Variants in NR5A2 observed in about 807,000 individuals in gnomAD.
NR5A2 encodes CYP7A promoter-binding factor.
A neutral mutation model predicts 62.7 loss-of-function variants in NR5A2; 26 were observed. The observed-to-expected ratio is 0.41, with a 90% confidence interval of 0.30 to 0.58. NR5A2 has a LOEUF of 0.58. Among genes scored for constraint, NR5A2 ranks in the 20% least tolerant of loss-of-function variants. NR5A2 has a pLI of 0.22. For missense variants in NR5A2, 541 were observed against 669.1 expected, an observed-to-expected ratio of 0.81 and a Z score of 2.11; for synonymous variants, 246 against 241.7, an observed-to-expected ratio of 1.02 and a Z score of -0.16.
chr1:200,056,632 C>T (rs955847106), intron 5 of NR5A2, among the ~76,000 whole-genome samples: 15 of 152,140 alleles, frequency 9.9e-5, no homozygotes, highest in African/African-American at 3.6e-4. Flanking sequence ...CTCCCTGAAA[C>T]TTATGGTTTC....
chr1:200,119,731 A>G (rs1340174086), intron 6 of NR5A2, among the ~76,000 whole-genome samples: 1 of 152,036 alleles, frequency 6.6e-6, no homozygotes, highest in Non-Finnish European at 1.5e-5. Context: ...GGTTCAAGCA[A>G]TTCTCCTGCC....
Position 200,039,875 on chromosome 1 carries a change from C to A in NR5A2, c.202+80C>A. The A allele has an allele frequency of 2.1e-6, 3 of 1,461,788 alleles. No individual in the cohort carries two copies. Among genetic ancestry groups the A allele is most frequent in the Non-Finnish European group, 2.7e-6 (3 of 1,113,678 alleles). 90.6% of individuals were successfully genotyped at this position (1,461,788 alleles called of 1,614,324 possible). On this transcript the variant is annotated intron_variant, in intron 2 of 7. Transcript: ENST00000367362. The surrounding 1 kb of genome is among the most constrained non-coding windows in gnomAD (Gnocchi z 5.1). ...CGCCCTGCAGGCTTCAGCCTCCCGC[C>A]CCGCGCGGGCGCGGGAGTAGCCCCG...
chr1:200,056,300 T>A (rs1435505257), intron 5 of NR5A2, among the ~76,000 whole-genome samples: 3 of 152,250 alleles, frequency 2.0e-5, no homozygotes, highest in African/African-American at 7.2e-5. Flanking sequence ...CATGCCCACT[T>A]ACTGTGGGGA....
intron 7 of NR5A2, among the ~76,000 whole-genome samples, chr1:200,155,509 T>C (rs1479509743): frequency 6.6e-6 from 1 of 152,190 alleles, no homozygotes; most frequent in Non-Finnish European, 1.5e-5. Context: ...AAGCCTCATG[T>C]AGAAGTGAGA....
rs1016519365 is a variant in NR5A2 at position 200,176,115 on chromosome 1, G to A, written c.*1905G>A. 1.3e-5 allele frequency: 2 copies of A among 152,606 alleles called. No individual in the cohort carries two copies. The highest frequency in any genetic ancestry group is 4.8e-5 in the African/African-American group (2 of 41,446). 9.5% of individuals were successfully genotyped at this position (152,606 alleles called of 1,614,324 possible). A position where few individuals can be genotyped will look rare whatever the true frequency, so the allele number is the denominator to read the frequency against. ...AAATCATTCACTTGATTAAATGTCT[G>A]TAAATCTTCATCATTCCTACTGTAG... is the stretch of plus-strand genomic sequence containing the variant. On this transcript the variant is annotated 3_prime_UTR_variant, in exon 8 of 8. Transcript: ENST00000367362.
intron 6 of NR5A2, among the ~76,000 whole-genome samples, chr1:200,113,845 T>A (rs1666077611): frequency 6.6e-6 from 1 of 152,018 alleles, no homozygotes; most frequent in Non-Finnish European, 1.5e-5. Flanking sequence ...ATATATTAAG[T>A]ATAAGAGTAA....
chr1:200,140,977 G>A (rs983825753), intron 7 of NR5A2, among the ~76,000 whole-genome samples: 8 of 152,198 alleles, frequency 5.3e-5, no homozygotes, highest in African/African-American at 1.9e-4. Flanking sequence ...GTTGCAGTGA[G>A]CTGAGGTCAT....
rs1306235714 is a variant in NR5A2 at position 200,147,713 on chromosome 1, C to G, written c.1379-26250C>G. On this transcript the variant is annotated intron_variant, in intron 7 of 7. Transcript: ENST00000367362. This position sits in a 1 kb window ranked among gnomAD's most constrained non-coding sequence, Gnocchi z 4.9. ...GGCTCCGAGGCGATCTCCTCCAGCT[C>G]CTCCCTGAGCGCCTCTCCCACGTCC... The G allele has an allele frequency of 1.6e-6, 1 of 642,672 alleles. No individual in the cohort carries two copies. Among genetic ancestry groups the G allele is most frequent in the Non-Finnish European group, 2.9e-6 (1 of 339,998 alleles). The allele number at this position is 642,672 out of a possible 1,614,324, so 39.8% of individuals were successfully genotyped here.
intron 5 of NR5A2, among the ~76,000 whole-genome samples, chr1:200,081,177 C>T (rs1664276278): frequency 6.6e-6 from 1 of 152,196 alleles, no homozygotes; most frequent in African/African-American, 2.4e-5. Context: ...CTTCAGTCCA[C>T]CAGCTGAGGG....
chr1:200,153,583 A>G (rs1300155167), intron 7 of NR5A2, among the ~76,000 whole-genome samples: 1 of 152,176 alleles, frequency 6.6e-6, no homozygotes, highest in Non-Finnish European at 1.5e-5. Flanking sequence ...TAATTATGCC[A>G]TCAACCTTAC....
rs1170222708 is a variant in NR5A2 at position 200,039,473 on chromosome 1, ACCT to A, written c.65-177_65-175del. On this transcript the variant is annotated intron_variant, in intron 1 of 7. Transcript: ENST00000367362. This position sits in a 1 kb window ranked among gnomAD's most constrained non-coding sequence, Gnocchi z 5.1. ...TTCCTCGCCTCCTTTTTTAACCCTG[ACCT>A]CCTCCTCGCAGCTTGGGGGCGGCTC... 3.3e-5 allele frequency among the ~76,000 whole-genome samples: 5 copies of A among 150,662 alleles called. No individual in the cohort carries two copies. Among genetic ancestry groups the A allele is most frequent in the South Asian group, 2.1e-4 (1 of 4,742 alleles).
intron 5 of NR5A2, among the ~76,000 whole-genome samples, chr1:200,100,931 G>A (rs1354222612): frequency 2.0e-5 from 3 of 152,150 alleles, no homozygotes; most frequent in African/African-American, 7.2e-5. Flanking sequence ...AACCCTTATG[G>A]AGCTTATTTT....
intron 7 of NR5A2, among the ~76,000 whole-genome samples, chr1:200,165,989 A>G (rs1653882035): frequency 6.6e-6 from 1 of 152,152 alleles, no homozygotes; most frequent in South Asian, 2.1e-4. Flanking sequence ...GCCAACCACC[A>G]TTCTATTTTC....
intron 5 of NR5A2, among the ~76,000 whole-genome samples, chr1:200,074,423 AAAAC>A (rs1380416823): frequency 6.6e-6 from 1 of 151,304 alleles, no homozygotes; most frequent in African/African-American, 2.4e-5. Context: ...AAAAGAAAAA[AAAAC>A]AAGAAAGAGA....
chr1:200,061,986 A>G (rs1199695160), intron 5 of NR5A2, among the ~76,000 whole-genome samples: 1 of 152,212 alleles, frequency 6.6e-6, no homozygotes, highest in East Asian at 1.9e-4. Flanking sequence ...TAACGTGCTC[A>G]AGACATAAAG....
intron 7 of NR5A2, among the ~76,000 whole-genome samples, chr1:200,158,846 A>G (rs906821087): frequency 3.4e-4 from 52 of 151,974 alleles, no homozygotes; most frequent in African/African-American, 1.3e-3. Context: ...AGGAAAGCAA[A>G]ATTCCCTATC....
chr1:200,141,793 GT>G (rs374398565), intron 7 of NR5A2, among the ~76,000 whole-genome samples: 34 of 152,296 alleles, frequency 2.2e-4, no homozygotes, highest in African/African-American at 7.9e-4. Flanking sequence ...AAAACTTGAA[GT>G]TGACAATATA....
At chr1:200,054,594 A>C (rs1443397923) in intron 5 of NR5A2, among the ~76,000 whole-genome samples, 3 of 152,180 alleles carry the variant, frequency 2.0e-5, no homozygotes, top group Non-Finnish European at 2.9e-5. Flanking sequence ...GAAACTCCCA[A>C]CTAGCATTTC....
At chr1:200,052,500 C>A (rs1662683838) in intron 5 of NR5A2, among the ~76,000 whole-genome samples, 1 of 152,092 alleles carries the variant, frequency 6.6e-6, no homozygotes. Flanking sequence ...CATTAAATAT[C>A]TGTCCTTTTC....
Sources: allele counts gnomAD v4.1 joint callset (sites outside exome capture counted in the v4.1 genomes callset), GRCh38; gene constraint gnomAD v4.1.1; non-coding constraint Gnocchi (gnomAD v3.1); transcripts MANE v1.5; gene names NCBI Gene and HGNC (gene_info 2026-07-23, HGNC 2026-07-21).